Variants in LRP5 observed in about 807,000 individuals in gnomAD.
The protein encoded by LRP5 is LDL receptor related protein 5, also known as low-density lipoprotein receptor-related protein 5.
Under a neutral mutation model 154.1 loss-of-function variants are expected in LRP5, and 62 were observed. The ratio of observed to expected loss-of-function variants is 0.40; its 90% CI spans 0.33 to 0.50. LRP5 has a LOEUF of 0.50. Among genes scored for constraint, LRP5 ranks in the 20% least tolerant of loss-of-function variants. LRP5 has a pLI of 0.55. For synonymous variants in LRP5, 966 were observed against 1,011.5 expected (o/e 0.96, Z 0.85); for missense variants, 1,915 against 2,336.7 (o/e 0.82, Z 3.72).
At chr11:68,432,801 T>G (rs1305879206) in intron 17 of LRP5, among the ~76,000 whole-genome samples, 1 of 152,194 alleles carries the variant, frequency 6.6e-6, no homozygotes, top group Non-Finnish European at 1.5e-5. Context: ...GCCCCCACGC[T>G]TTGTGTCTGT....
Position 68,416,435 on chromosome 11 carries a change from G to A in LRP5, c.2935G>A (p.Val979Ile), listed in dbSNP as rs1000309321. The A allele has an allele frequency of 5.6e-6, 9 of 1,614,052 alleles. No homozygotes were observed. Among genetic ancestry groups the A allele is most frequent in the African/African-American group, 2.7e-5 (2 of 74,934 alleles). The change falls in exon 13 of 23, where the codon GTC becomes ATC. Residue 979 changes from valine to isoleucine, a missense_variant. Coordinates refer to ENST00000294304, the MANE Select transcript of LRP5 (RefSeq NM_002335.4). ...CCTGCCCCTGCATGGACTGAGGAAC[G>A]TCAAAGCCATCGACTATGACCCACT... The part of the protein sequence containing the change: ...LILPLHGLRN[V>I]KAIDYDPLDK...
chr11:68,372,501 A>ACCGTGGCGGCGAGGAGGTGCCGTGTCAGG (rs1565353667), intron 5 of LRP5, among the ~76,000 whole-genome samples: 1 of 151,418 alleles, frequency 6.6e-6, no homozygotes, highest in South Asian at 2.1e-4. Context: ...CAGACCGGGG[A>ACCGTGGCGGCGAGGAGGTGCCGTGTCAGG]CTTGGAGCAC....
intron 5 of LRP5, among the ~76,000 whole-genome samples, chr11:68,374,859 C>T (rs1313828424): frequency 6.6e-6 from 1 of 152,204 alleles, no homozygotes; most frequent in Non-Finnish European, 1.5e-5. Flanking sequence ...AGAACGCTGT[C>T]ACCGTGGAGC....
chr11:68,308,011 C>T (rs1002950240), upstream of LRP5, among the ~76,000 whole-genome samples: 3 of 152,234 alleles, frequency 2.0e-5, no homozygotes, highest in African/African-American at 4.8e-5. Context: ...AAACCATGGC[C>T]TGTTACCAAC....
chr11:68,390,801 G>A (rs576078141), intron 7 of LRP5, among the ~76,000 whole-genome samples: 1 of 112,634 alleles, frequency 8.9e-6, no homozygotes, highest in South Asian at 3.7e-4. Context: ...ACGCAGCCTC[G>A]CCCTGCCGCT....
Position 68,373,135 on chromosome 11 carries a change from A to G in LRP5, c.1015+7433A>G, listed in dbSNP as rs368660245. 1.2e-3 allele frequency among the ~76,000 whole-genome samples: 188 copies of G among 152,340 alleles called. 2 individuals are homozygous for G. Among genetic ancestry groups the G allele is most frequent in the African/African-American group, 4.5e-3 (185 of 41,572 alleles). The stretch of plus-strand genomic sequence containing the variant: ...AAGCCAGAGCCTCAGGTGAGACTCA[A>G]GGGTCCCTGGGACTCCCTCCTGGGT... On this transcript the variant is annotated intron_variant, in intron 5 of 22. Coordinates refer to ENST00000294304, the MANE Select transcript of LRP5 (RefSeq NM_002335.4).
At chr11:68,360,298 T>C (rs2098626703) in intron 3 of LRP5, among the ~76,000 whole-genome samples, 1 of 152,210 alleles carries the variant, frequency 6.6e-6, no homozygotes, top group African/African-American at 2.4e-5. Context: ...ATTATAGGTG[T>C]GAACCACTGT....
At chr11:68,298,545 G>T in the LRP5 span, among the ~76,000 whole-genome samples, 1 of 152,208 alleles carries the variant, frequency 6.6e-6, no homozygotes, top group African/African-American at 2.4e-5. Context: ...ACCCCATGGG[G>T]TCTTCTTTGC....
intron 13 of LRP5, among the ~76,000 whole-genome samples, chr11:68,422,886 C>T (rs950710610): frequency 4.6e-5 from 7 of 151,476 alleles, no homozygotes; most frequent in Non-Finnish European, 1.0e-4. Context: ...TGTCCCCCAC[C>T]TTCACCTAAC....
chr11:68,406,026 C>T (rs2098655471), intron 8 of LRP5, among the ~76,000 whole-genome samples: 1 of 152,278 alleles, frequency 6.6e-6, no homozygotes, highest in Non-Finnish European at 1.5e-5. Flanking sequence ...CCTGACCATG[C>T]TCCTTTCAGC....
intron 2 of LRP5, among the ~76,000 whole-genome samples, chr11:68,355,446 G>T (rs527867893): frequency 3.5e-4 from 54 of 152,326 alleles, no homozygotes; most frequent in Admixed American, 1.2e-3. Context: ...CTGCTGTGAA[G>T]GGTGGACAAA....
At chr11:68,336,059 A>G (rs1192493064) in intron 1 of LRP5, among the ~76,000 whole-genome samples, 3 of 152,204 alleles carry the variant, frequency 2.0e-5, no homozygotes, top group African/African-American at 7.2e-5. Context: ...AGAGGCCTAG[A>G]AGCAATGACC....
chr11:68,328,888 G>A (rs138152307), intron 1 of LRP5, among the ~76,000 whole-genome samples: 197 of 152,372 alleles, frequency 1.3e-3, no homozygotes, highest in African/African-American at 4.3e-3. Context: ...CAGAGGTAGA[G>A]TTGGTGGCTT....
chr11:68,313,081 C>T (rs1157477724), intron 1 of LRP5, among the ~76,000 whole-genome samples: 3 of 148,410 alleles, frequency 2.0e-5, no homozygotes, highest in Admixed American at 2.0e-4. Flanking sequence ...CGGGTCCTCA[C>T]CTGCCCGAGC....
chr11:68,430,026 G>T (rs1230763335), intron 17 of LRP5, among the ~76,000 whole-genome samples: 1 of 152,068 alleles, frequency 6.6e-6, no homozygotes, highest in Non-Finnish European at 1.5e-5. Context: ...AAAGAGTTGG[G>T]GCTTTTCCAG....
the LRP5 span, among the ~76,000 whole-genome samples, chr11:68,298,734 C>T: frequency 1.3e-5 from 2 of 152,184 alleles, no homozygotes; most frequent in Non-Finnish European, 2.9e-5. Context: ...GCAGGAGGGG[C>T]CTTCACGGGG....
upstream of LRP5, among the ~76,000 whole-genome samples, chr11:68,312,347 A>G (rs1348318763): frequency 1.3e-5 from 2 of 151,638 alleles, no homozygotes; most frequent in East Asian, 3.9e-4. Flanking sequence ...CCGGGCCCCG[A>G]TCGGCCGCCG....
In LRP5 at chr11:68,411,435, G is replaced by T; in HGVS notation, c.2319-1G>T. Reference sequence around the variant, plus strand: ...CTGCCCTTCTCCCTTGTGCCTTCCAGCTACATCTACTGGACCGAGTGGGGC... The same window carrying T: ...CTGCCCTTCTCCCTTGTGCCTTCCATCTACATCTACTGGACCGAGTGGGGC... On this transcript the variant is annotated splice_acceptor_variant, in intron 10 of 22. Coordinates refer to ENST00000294304, the MANE Select transcript of LRP5 (RefSeq NM_002335.4). LOFTEE classifies it high-confidence loss of function. 1.2e-6 allele frequency: 2 copies of T among 1,610,878 alleles called. No homozygotes were observed. The highest frequency in any genetic ancestry group is 1.7e-6 in the Non-Finnish European group (2 of 1,180,018).
At chr11:68,359,185 G>A (rs1431026319) in intron 3 of LRP5, among the ~76,000 whole-genome samples, 1 of 152,196 alleles carries the variant, frequency 6.6e-6, no homozygotes, top group Non-Finnish European at 1.5e-5. Flanking sequence ...CTGGCTCAGG[G>A]TATGACCTGA....
Sources: allele counts gnomAD v4.1 joint callset (sites outside exome capture counted in the v4.1 genomes callset), GRCh38; gene constraint gnomAD v4.1.1; transcripts MANE v1.5; gene names NCBI Gene and HGNC (gene_info 2026-07-23, HGNC 2026-07-21).